The following OGFOD3 variants were observed in gnomAD, a reference collection of about 807,000 sequenced individuals.
OGFOD3 encodes 2-oxoglutarate and iron dependent oxygenase domain containing 3, also known as 2-oxoglutarate and iron-dependent oxygenase domain-containing protein 3.
A neutral mutation model predicts 39.8 loss-of-function variants in OGFOD3; 35 were observed. That is an observed-to-expected ratio of 0.88 (90% confidence interval 0.67 to 1.17). The LOEUF (loss-of-function observed/expected upper bound fraction) is 1.17. OGFOD3 is among the 50% of genes most tolerant of loss of function. The pLI is 0.00. For missense variants in OGFOD3, 438 were observed against 454.5 expected (o/e 0.96, Z 0.33); for synonymous variants, 200 against 192.0 (o/e 1.04, Z -0.34).
chr17:82,395,852 T>C (rs1162067234), intron 8 of OGFOD3, among the ~76,000 whole-genome samples: 2 of 151,516 alleles, frequency 1.3e-5, no homozygotes, highest in Non-Finnish European at 2.9e-5. Context: ...AAATCACAGG[T>C]AAACACATAG....
chr17:82,417,519 T>C (rs2053081254), intron 1 of OGFOD3, among the ~76,000 whole-genome samples: 1 of 150,688 alleles, frequency 6.6e-6, no homozygotes, highest in Non-Finnish European at 1.5e-5. Flanking sequence ...TTTGGGAGGC[T>C]GAGGCAGGAG....
At chr17:82,395,795 T>TG (rs1027672587) in intron 8 of OGFOD3, among the ~76,000 whole-genome samples, 17 of 152,226 alleles carry the variant, frequency 1.1e-4, no homozygotes, top group Admixed American at 8.5e-4. Context: ...CACTCCAGCC[T>TG]GGGCGACAGA....
intron 3 of OGFOD3, among the ~76,000 whole-genome samples, chr17:82,410,613 G>C (rs1345839976): frequency 6.6e-6 from 1 of 152,034 alleles, no homozygotes; most frequent in Non-Finnish European, 1.5e-5. Flanking sequence ...AGGAACCTGG[G>C]CCTCTGGGTA....
chr17:82,416,675 TA>T (rs1330394157), intron 1 of OGFOD3, among the ~76,000 whole-genome samples: 5 of 112,808 alleles, frequency 4.4e-5, no homozygotes, highest in Admixed American at 1.0e-4. Flanking sequence ...TTTTATTTAT[TA>T]TTTTTTTTTT....
Position 82,415,741 on chromosome 17 carries a change from T to A in OGFOD3, c.75-114A>T. The A allele has an allele frequency of 1.1e-6, 1 of 906,460 alleles. No individual in the cohort carries two copies. Among genetic ancestry groups the A allele is most frequent in the Non-Finnish European group, 1.6e-6 (1 of 612,006 alleles). 56.2% of individuals were successfully genotyped at this position (906,460 alleles called of 1,614,324 possible). On this transcript the variant is annotated intron_variant, in intron 1 of 8. Coordinates refer to ENST00000313056, the MANE Select transcript of OGFOD3 (RefSeq NM_024648.3). This position sits in a 1 kb window ranked among gnomAD's most constrained non-coding sequence, Gnocchi z 5.3. ...CCGGCCTTCACTCACACGTCACCCCTGAAACGAGGGCTTCCTGCCTGGGGC... is the reference window on the plus strand; with the variant it reads ...CCGGCCTTCACTCACACGTCACCCCAGAAACGAGGGCTTCCTGCCTGGGGC...
At chr17:82,409,339 A>T in intron 4 of OGFOD3, 29 bp downstream of exon 4, 1 of 1,612,008 alleles carries the variant, frequency 6.2e-7, no homozygotes. Flanking sequence ...CGGGTAAAAA[A>T]AGGGGGGCAG....
intron 1 of OGFOD3, among the ~76,000 whole-genome samples, chr17:82,417,755 G>A (rs577392504): frequency 2.6e-5 from 4 of 152,202 alleles, no homozygotes; most frequent in African/African-American, 9.6e-5. Flanking sequence ...AGTTATTGCA[G>A]TCTATCCAAA....
intron 5 of OGFOD3, among the ~76,000 whole-genome samples, chr17:82,405,924 G>A (rs1450819880): frequency 6.6e-6 from 1 of 152,132 alleles, no homozygotes; most frequent in East Asian, 1.9e-4. Flanking sequence ...CTCCAGCCTA[G>A]GCGACAGAGC....
chr17:82,413,900 G>T (rs1403174619), intron 2 of OGFOD3, among the ~76,000 whole-genome samples: 1 of 149,748 alleles, frequency 6.7e-6, no homozygotes, highest in Non-Finnish European at 1.5e-5. Context: ...AAAGAAGAAA[G>T]AAAGAAAAAG....
At chr17:82,397,920 A>C (rs1469186536) in intron 8 of OGFOD3, among the ~76,000 whole-genome samples, 1 of 152,084 alleles carries the variant, frequency 6.6e-6, no homozygotes, top group Admixed American at 6.5e-5. Flanking sequence ...GACACACACC[A>C]GGGAGGGAAA....
intron 7 of OGFOD3, 154 bp downstream of exon 7, chr17:82,403,783 T>TCACCCTGCCCACGTACGC (rs2052804083): frequency 8.0e-6 from 6 of 747,594 alleles, no homozygotes; most frequent in South Asian, 1.6e-5. Flanking sequence ...CCCACGTGCG[T>TCACCCTGCCCACGTACGC]ACTCACCCTG....
chr17:82,392,013 C>A lies in OGFOD3; in HGVS notation c.*385G>T. 1 of 199,846 alleles carries A rather than the reference C, an allele frequency of 5.0e-6. No homozygotes were observed. The highest frequency in any genetic ancestry group is 1.0e-5 in the Non-Finnish European group (1 of 99,366). The allele number at this position is 199,846 out of a possible 1,614,324, so 12.4% of individuals were successfully genotyped here. A position where few individuals can be genotyped will look rare whatever the true frequency, so the allele number is the denominator to read the frequency against. ...GAAGCTGCTGGCCCCACGTTTGTCC[C>A]CATTTATGGCTGATGCTTTAGCCAG... On this transcript the variant is annotated 3_prime_UTR_variant, in exon 9 of 9. Coordinates refer to ENST00000313056, the MANE Select transcript of OGFOD3 (RefSeq NM_024648.3). The surrounding 1 kb of genome is among the most constrained non-coding windows in gnomAD (Gnocchi z 4.2).
intron 7 of OGFOD3, among the ~76,000 whole-genome samples, chr17:82,403,168 C>T (rs186561215): frequency 1.3e-5 from 2 of 152,268 alleles, no homozygotes; most frequent in East Asian, 1.9e-4. Flanking sequence ...GACCATCTGC[C>T]GTAAGAGGTT....
In OGFOD3 at chr17:82,390,056, A is replaced by T. The variant is rs1347219692; in HGVS notation, c.*2342T>A. The stretch of plus-strand genomic sequence containing the variant: ...AGAAGGAAATTCTTGCTTTTGCCCA[A>T]ATATATTTCTTTGTCCAAGTATCTC... On this transcript the variant is annotated 3_prime_UTR_variant, in exon 9 of 9. Transcript: ENST00000313056. The surrounding 1 kb of genome is among the most constrained non-coding windows in gnomAD (Gnocchi z 4.9). 1 of 152,138 alleles carries T rather than the reference A, an allele frequency of 6.6e-6. No individual in the cohort carries two copies. The highest frequency in any genetic ancestry group is 1.5e-5 in the Non-Finnish European group (1 of 68,016). 9.4% of individuals were successfully genotyped at this position (152,138 alleles called of 1,614,324 possible).
rs139933187 is a variant in OGFOD3, at chr17:82,411,448, C to T, written c.380+7G>A. On this transcript the variant is annotated splice_region_variant and intron_variant, in intron 3 of 8. Coordinates refer to ENST00000313056, the MANE Select transcript of OGFOD3 (RefSeq NM_024648.3). Reference sequence around the variant, plus strand: ...GAATCCCACCGTGCTCAGGGACAGGCGGTTACCTGCGAATCCGCTCCGCTT... The same window carrying T: ...GAATCCCACCGTGCTCAGGGACAGGTGGTTACCTGCGAATCCGCTCCGCTT... The T allele has an allele frequency of 5.1e-5, 82 of 1,613,480 alleles. No homozygotes were observed. In the Middle Eastern group the frequency reaches 6.6e-4, roughly 13 times the overall value.
chr17:82,398,134 C>G, intron 8 of OGFOD3, 62 bp downstream of exon 8: 1 of 1,603,696 alleles, frequency 6.2e-7, no homozygotes, highest in Non-Finnish European at 8.5e-7. Flanking sequence ...ACACGCCCCC[C>G]ACACCCACCG....
chr17:82,405,261 G>C lies in OGFOD3; in HGVS notation c.545+63C>G, dbSNP rs184079932. The C allele has an allele frequency of 3.8e-3, 5,566 of 1,450,652 alleles. 24 individuals carry two copies. The highest frequency in any genetic ancestry group is 4.7e-3 in the Non-Finnish European group (4,903 of 1,034,808). 89.9% of individuals were successfully genotyped at this position (1,450,652 alleles called of 1,614,324 possible). ...GGGCCTCCCCGGACCGGCCAGCTCT[G>C]CCACACCCCTCAGCCCCAGGCCACC... is the stretch of plus-strand genomic sequence containing the variant. On this transcript the variant is annotated intron_variant, in intron 6 of 8. Coordinates refer to ENST00000313056, the MANE Select transcript of OGFOD3 (RefSeq NM_024648.3).
At chr17:82,411,715 A>C (rs1295532625) in intron 2 of OGFOD3, 185 bp from the exon 3 acceptor site, 1 of 554,826 alleles carries the variant, frequency 1.8e-6, no homozygotes, top group African/African-American at 1.9e-5. Context: ...TCACTGGGCC[A>C]CCTTGGCTTC....
chr17:82,411,009 C>T (rs916979576), intron 3 of OGFOD3, among the ~76,000 whole-genome samples: 11 of 150,880 alleles, frequency 7.3e-5, no homozygotes, highest in East Asian at 1.9e-4. Flanking sequence ...CATGAGCCAC[C>T]GCACCCAGCC....
Sources: gnomAD v4.1 joint callset for allele counts (sites outside exome capture counted in the v4.1 genomes callset) on GRCh38, gnomAD v4.1.1 for gene constraint, Gnocchi (gnomAD v3.1) non-coding constraint, MANE v1.5 for transcripts, NCBI Gene and HGNC (gene_info 2026-07-23, HGNC 2026-07-21) for gene names.